CRYBG1: variants seen among roughly 807,000 people sequenced by gnomAD.
CRYBG1 encodes beta/gamma crystallin domain-containing protein 1.
In CRYBG1, 139 loss-of-function variants were observed where a neutral mutation model predicts 189.2. That is an observed-to-expected ratio of 0.73 (90% confidence interval 0.64 to 0.85). The LOEUF is 0.85. CRYBG1 is among the 40% of genes least tolerant of loss of function. The pLI is 0.00. For synonymous variants in CRYBG1, 1,023 were observed against 1,017.1 expected (o/e 1.01, Z -0.11); for missense variants, 2,611 against 2,675.8 (o/e 0.98, Z 0.53).
intron 13 of CRYBG1, 21 bp from the exon 14 acceptor site, chr6:106,551,831 G>A: frequency 1.2e-6 from 2 of 1,608,756 alleles, no homozygotes; most frequent in Middle Eastern, 3.3e-4. Context: ...ACTCCAACAA[G>A]TGATTGCTTT....
At chr6:106,539,065 G>C (rs1328043890) in intron 8 of CRYBG1, among the ~76,000 whole-genome samples, 1 of 152,182 alleles carries the variant, frequency 6.6e-6, no homozygotes, top group Non-Finnish European at 1.5e-5. Context: ...GAAGTTCTCA[G>C]TGGCATTCCT....
intron 1 of CRYBG1, among the ~76,000 whole-genome samples, chr6:106,414,057 T>C (rs9320163): frequency 0.084 from 12,851 of 152,276 alleles, 656 homozygotes; most frequent in East Asian, 0.15. Flanking sequence ...GTGAAATTAC[T>C]GACATCTCTC....
chr6:106,528,577 A>G (rs1278451142), intron 7 of CRYBG1, among the ~76,000 whole-genome samples: 3 of 151,852 alleles, frequency 2.0e-5, no homozygotes, highest in Non-Finnish European at 4.4e-5. Flanking sequence ...TTCTCTTTAT[A>G]CCACTTTCCT....
intron 7 of CRYBG1, among the ~76,000 whole-genome samples, chr6:106,528,732 C>G (rs1293437354): frequency 6.6e-6 from 1 of 152,128 alleles, no homozygotes; most frequent in African/African-American, 2.4e-5. Context: ...AGCAGACTTA[C>G]TGTAGCAAAT....
At chr6:106,490,541 C>T (rs1302626240) in intron 2 of CRYBG1, among the ~76,000 whole-genome samples, 8 of 152,204 alleles carry the variant, frequency 5.3e-5, no homozygotes, top group Non-Finnish European at 7.3e-5. Flanking sequence ...TCCACATGTA[C>T]ATCATCTGTG....
intron 1 of CRYBG1, among the ~76,000 whole-genome samples, chr6:106,389,641 G>A (rs1770460434): frequency 6.6e-6 from 1 of 152,086 alleles, no homozygotes; most frequent in Admixed American, 6.5e-5. Flanking sequence ...CACAGATGAA[G>A]TGTGAGCTTT....
chr6:106,557,751 G>A (rs1467451409), intron 17 of CRYBG1, among the ~76,000 whole-genome samples: 1 of 152,144 alleles, frequency 6.6e-6, no homozygotes, highest in African/African-American at 2.4e-5. Flanking sequence ...GCTTTTTAAT[G>A]CATCATTTAT....
intron 1 of CRYBG1, among the ~76,000 whole-genome samples, chr6:106,378,208 G>A (rs1770210556): frequency 6.6e-6 from 1 of 152,170 alleles, no homozygotes; most frequent in Non-Finnish European, 1.5e-5. Flanking sequence ...CCACAGGTGA[G>A]TAGACAAAGG....
chr6:106,498,780 A>G (rs1772915137), intron 2 of CRYBG1, among the ~76,000 whole-genome samples: 1 of 152,136 alleles, frequency 6.6e-6, no homozygotes, highest in South Asian at 2.1e-4. Context: ...AGGCTGAGGC[A>G]GGAGGATTGC....
intron 1 of CRYBG1, among the ~76,000 whole-genome samples, chr6:106,394,062 C>A (rs778349803): frequency 1.8e-4 from 28 of 152,190 alleles, no homozygotes; most frequent in Non-Finnish European, 3.8e-4. Flanking sequence ...ACGGCCAATA[C>A]TGGATTTCAG....
chr6:106,417,167 A>AT (rs67346531), intron 1 of CRYBG1, among the ~76,000 whole-genome samples: 17,030 of 150,872 alleles, frequency 0.11, 1,005 homozygotes, highest in East Asian at 0.15. Context: ...ATGCTCAGTT[A>AT]TTTTTTTTTA....
At chr6:106,433,718 AATATATATAT>A (rs746712213) in intron 1 of CRYBG1, among the ~76,000 whole-genome samples, 1 of 64,948 alleles carries the variant, frequency 1.5e-5, no homozygotes, top group South Asian at 6.3e-4. Context: ...GAAACTGGGA[AATATATATAT>A]ATATATACAT....
intron 1 of CRYBG1, among the ~76,000 whole-genome samples, chr6:106,384,406 A>G (rs1770345980): frequency 6.6e-6 from 1 of 152,142 alleles, no homozygotes; most frequent in Non-Finnish European, 1.5e-5. Flanking sequence ...TCTTATTACT[A>G]CATTGTAATA....
chr6:106,490,966 G>A (rs774356164), intron 2 of CRYBG1, among the ~76,000 whole-genome samples: 5 of 152,276 alleles, frequency 3.3e-5, no homozygotes, highest in Non-Finnish European at 4.4e-5. Flanking sequence ...AAACTGGCAG[G>A]TCTTCCTCTA....
chr6:106,378,557 G>A (rs1268964146), intron 1 of CRYBG1, among the ~76,000 whole-genome samples: 1 of 152,194 alleles, frequency 6.6e-6, no homozygotes, highest in Non-Finnish European at 1.5e-5. Flanking sequence ...CAGACACTAC[G>A]TATTTCAGAG....
chr6:106,431,628 C>T (rs899055000), intron 1 of CRYBG1, among the ~76,000 whole-genome samples: 11 of 152,106 alleles, frequency 7.2e-5, no homozygotes, highest in Non-Finnish European at 1.2e-4. Context: ...TTATTCTACC[C>T]GTAGGTGGAC....
At position 106,373,956 on chromosome 6, in the gene CRYBG1, A is replaced by G. The variant is rs1582727038; in HGVS notation, c.173+12875A>G. Reference sequence around the variant, plus strand: ...CTTTTATGTGTGACTGTAACTGAGCAGATGTTACTACTTCTCTCCAAAGTG... The same window carrying G: ...CTTTTATGTGTGACTGTAACTGAGCGGATGTTACTACTTCTCTCCAAAGTG... On this transcript the variant is annotated intron_variant, in intron 1 of 21. Transcript: ENST00000633556. Among the ~76,000 whole-genome samples the G allele has an allele frequency of 2.0e-5, 3 of 152,370 alleles. No homozygotes were observed. The South Asian group carries it at 6.2e-4, about 32-fold the overall frequency.
rs9486409 is a variant in CRYBG1, at chr6:106,571,791, A to G, written c.*3225A>G. 62,133 of 490,680 alleles carry G rather than the reference A, an allele frequency of 0.13. 4,869 individuals are homozygous for G. Among genetic ancestry groups the G allele is most frequent in the African/African-American group, 0.28 (13,900 of 50,312 alleles). The allele number at this position is 490,680 out of a possible 1,614,324, so 30.4% of individuals were successfully genotyped here. A position where few individuals can be genotyped will look rare whatever the true frequency, so the allele number is the denominator to read the frequency against. On this transcript the variant is annotated 3_prime_UTR_variant, in exon 22 of 22. Transcript: ENST00000633556. ...AAGGAACAGCTTGAAAAAACTTCGAATTTCTACTGACTACAGACAAATCCA... is the reference window on the plus strand; with the variant it reads ...AAGGAACAGCTTGAAAAAACTTCGAGTTTCTACTGACTACAGACAAATCCA...
intron 17 of CRYBG1, 33 bp downstream of exon 17, chr6:106,555,930 A>T (rs1774533144): frequency 6.2e-7 from 1 of 1,613,340 alleles, no homozygotes; most frequent in Admixed American, 1.7e-5. Context: ...TGTTGCAGAA[A>T]TGTATGCCTC....
Sources: gnomAD v4.1 joint callset for allele counts (sites outside exome capture counted in the v4.1 genomes callset) on GRCh38, gnomAD v4.1.1 for gene constraint, MANE v1.5 for transcripts, NCBI Gene and HGNC (gene_info 2026-07-23, HGNC 2026-07-21) for gene names.